LRIG3: variants seen among roughly 807,000 people sequenced by gnomAD.
LRIG3 encodes leucine rich repeats and immunoglobulin like domains 3, also known as leucine-rich repeats and immunoglobulin-like domains protein 3.
A neutral mutation model predicts 114.5 loss-of-function variants in LRIG3; 76 were observed. That is an observed-to-expected ratio of 0.66 (90% confidence interval 0.55 to 0.80). The LOEUF is 0.80. LRIG3 is among the 30% of genes least tolerant of loss of function. The pLI is 0.00. For synonymous variants in LRIG3, 512 were observed against 519.8 expected (o/e 0.98, Z 0.20); for missense variants, 1,239 against 1,382.8 (o/e 0.90, Z 1.65).
intron 3 of LRIG3, among the ~76,000 whole-genome samples, chr12:58,904,994 A>C (rs1406360906): frequency 6.6e-6 from 1 of 152,226 alleles, no homozygotes. Flanking sequence ...TCTGATTTAA[A>C]CAGTGCAGGC....
At chr12:58,908,577 C>T (rs752816174) in intron 3 of LRIG3, among the ~76,000 whole-genome samples, 1 of 152,190 alleles carries the variant, frequency 6.6e-6, no homozygotes, top group Non-Finnish European at 1.5e-5. Flanking sequence ...TGTTAAGTGA[C>T]TTCTCTTGTT....
rs1366634931 is a variant in LRIG3 at position 58,880,571 on chromosome 12, G to C, written c.1801+10C>G. ...TCTTTAAATGCTAAAGGAAAAGTCA[G>C]ATCACATACTATTTACTGTAAGCTT... On this transcript the variant is annotated intron_variant, in intron 13 of 18. Coordinates refer to ENST00000320743, the MANE Select transcript of LRIG3 (RefSeq NM_153377.5). 2 of 1,607,594 alleles carry C rather than the reference G, an allele frequency of 1.2e-6. No individual in the cohort carries two copies. Among genetic ancestry groups the C allele is most frequent in the South Asian group, 1.1e-5 (1 of 90,772 alleles).
At chr12:58,886,918 G>C in intron 8 of LRIG3, 28 bp from the exon 9 acceptor site, 3 of 1,586,414 alleles carry the variant, frequency 1.9e-6, no homozygotes, top group East Asian at 2.2e-5. Flanking sequence ...ATTCCCTTTA[G>C]AGTGATAAGC....
At chr12:58,893,197 G>A (rs1347483390) in intron 3 of LRIG3, among the ~76,000 whole-genome samples, 2 of 152,088 alleles carry the variant, frequency 1.3e-5, no homozygotes, top group African/African-American at 2.4e-5. Flanking sequence ...GGGACAAAAC[G>A]GGCATACATT....
intron 10 of LRIG3, among the ~76,000 whole-genome samples, chr12:58,884,486 T>C (rs1277052983): frequency 1.3e-5 from 2 of 152,234 alleles, no homozygotes; most frequent in African/African-American, 2.4e-5. Flanking sequence ...CAGAGATTAA[T>C]ACTCCACTGA....
In LRIG3 at chr12:58,907,262, T is replaced by C. The variant is rs372136334; in HGVS notation, c.383+6720A>G. On this transcript the variant is annotated intron_variant, in intron 3 of 18. Coordinates refer to ENST00000320743, the MANE Select transcript of LRIG3 (RefSeq NM_153377.5). ...CCTAGCACTTAGCACACAGTAGGCA[T>C]TGTTGCTGGGCATTCTGAAGAGCTT... Among the ~76,000 whole-genome samples the C allele has an allele frequency of 3.9e-5, 6 of 152,362 alleles. No individual in the cohort carries two copies. In the South Asian group the frequency reaches 1.0e-3, roughly 26 times the overall value.
At chr12:58,899,478 A>G (rs1024828811) in intron 3 of LRIG3, among the ~76,000 whole-genome samples, 2 of 150,928 alleles carry the variant, frequency 1.3e-5, no homozygotes, top group Non-Finnish European at 3.0e-5. Flanking sequence ...ACTTTCTCCC[A>G]ACATTTTTAT....
At chr12:58,898,996 A>T (rs563547670) in intron 3 of LRIG3, among the ~76,000 whole-genome samples, 1 of 152,302 alleles carries the variant, frequency 6.6e-6, no homozygotes, top group African/African-American at 2.4e-5. Context: ...GGATAATGCC[A>T]GCTTGGGGAG....
chr12:58,872,674 T>C lies in LRIG3; in HGVS notation c.3258A>G (p.Lys1086=), dbSNP rs117214454. Residue 1086 remains lysine, a synonymous_variant, in exon 19 of 19, where the codon AAA becomes AAG. Transcript: ENST00000320743. The part of the protein sequence containing the change: ...DLDSGSEEDG[K]ERTDFQEENH... ...TTTCTTCCTGAAAATCTGTCCTTTC[T>C]TTCCCATCTTCCTCTGACCCAGAGT... is the stretch of plus-strand genomic sequence containing the variant. 1.5e-3 allele frequency: 2,430 copies of C among 1,614,110 alleles called. 49 individuals carry two copies. In the East Asian group the frequency reaches 0.046, roughly 30 times the overall value.
At chr12:58,883,227 T>C (rs1287360733) in intron 11 of LRIG3, among the ~76,000 whole-genome samples, 195 bp from the exon 12 acceptor site, 2 of 152,252 alleles carry the variant, frequency 1.3e-5, no homozygotes, top group Non-Finnish European at 2.9e-5. Flanking sequence ...CTTACTGTCC[T>C]ACTGAGACAG....
At position 58,912,450 on chromosome 12, in the gene LRIG3, C is replaced by G. The variant is rs771124246; in HGVS notation, c.383+1532G>C. 6.1e-4 allele frequency among the ~76,000 whole-genome samples: 93 copies of G among 151,948 alleles called. 2 individuals carry two copies. Among genetic ancestry groups the G allele is most frequent in the Non-Finnish European group, 2.4e-4 (16 of 67,988 alleles). On this transcript the variant is annotated intron_variant, in intron 3 of 18. Transcript: ENST00000320743. The stretch of plus-strand genomic sequence containing the variant: ...GGCGGAGCTTACAGTGAGCCAAGAT[C>G]GTGCCACTGCACTCCAGCCTGGGCA...
In LRIG3 at chr12:58,872,446, T is replaced by TATAA. The variant is rs1378773334; in HGVS notation, c.*122_*125dup. 4.4e-6 allele frequency: 5 copies of TATAA among 1,145,526 alleles called. No individual in the cohort carries two copies. The South Asian group carries it at 1.2e-4, about 28-fold the overall frequency. The allele number at this position is 1,145,526 out of a possible 1,614,324, so 71.0% of individuals were successfully genotyped here. ...ACTTTTTGTAATTTTGGTTCATCTG[T>TATAA]ATAAATAAAGCATTTTTATCCTTTT... On this transcript the variant is annotated 3_prime_UTR_variant, in exon 19 of 19. Transcript: ENST00000320743.
intron 1 of LRIG3, 53 bp downstream of exon 1, chr12:58,919,947 T>C: frequency 5.3e-6 from 8 of 1,501,434 alleles, no homozygotes; most frequent in Non-Finnish European, 7.3e-6. Flanking sequence ...GGCTCCTGTT[T>C]TCTCGAATCT....
At chr12:58,875,989 C>T (rs1389880754) in intron 16 of LRIG3, among the ~76,000 whole-genome samples, 2 of 152,188 alleles carry the variant, frequency 1.3e-5, no homozygotes, top group South Asian at 2.1e-4. Flanking sequence ...CAGGTGGAGG[C>T]TGCAGTGAGC....
intron 1 of LRIG3, among the ~76,000 whole-genome samples, chr12:58,916,293 G>A (rs538832403): frequency 6.6e-6 from 1 of 152,146 alleles, no homozygotes; most frequent in South Asian, 2.1e-4. Flanking sequence ...TTGAAACTTT[G>A]AATATTTCAG....
At chr12:58,892,051 AAAAG>A (rs1335108525) in intron 3 of LRIG3, among the ~76,000 whole-genome samples, 1 of 152,180 alleles carries the variant, frequency 6.6e-6, no homozygotes, top group Admixed American at 6.5e-5. Flanking sequence ...AGAAAAAAAA[AAAAG>A]AAGTCATTTC....
At chr12:58,919,610 T>G in intron 1 of LRIG3, 2 of 1,507,912 alleles carry the variant, frequency 1.3e-6, no homozygotes, top group Non-Finnish European at 1.8e-6. Context: ...GACTCATAAC[T>G]CAGCGAGAAC....
chr12:58,887,099 C>A (rs546860769), intron 8 of LRIG3: 3 of 507,252 alleles, frequency 5.9e-6, no homozygotes, highest in African/African-American at 5.9e-5. Context: ...TCCCTAAAAT[C>A]CGAAAAAGCT....
chr12:58,891,072 T>C (rs975031443), intron 3 of LRIG3, among the ~76,000 whole-genome samples: 1 of 152,138 alleles, frequency 6.6e-6, no homozygotes, highest in African/African-American at 2.4e-5. Flanking sequence ...AGACAGTGGT[T>C]TGATTTTTCT....
Sources: gnomAD v4.1 joint callset for allele counts (sites outside exome capture counted in the v4.1 genomes callset) on GRCh38, gnomAD v4.1.1 for gene constraint, MANE v1.5 for transcripts, NCBI Gene and HGNC (gene_info 2026-07-23, HGNC 2026-07-21) for gene names.